The following TNNI3K variants were observed in gnomAD, a reference collection of about 807,000 sequenced individuals.
TNNI3K encodes the protein TNNI3 interacting kinase.
A neutral mutation model predicts 114.5 loss-of-function variants in TNNI3K; 140 were observed. The ratio of observed to expected loss-of-function variants is 1.22; its 90% CI spans 1.07 to 1.41. TNNI3K has a LOEUF of 1.41. Among genes scored for constraint, TNNI3K ranks in the 40% most tolerant of loss-of-function variants. The pLI is 0.00. For missense variants in TNNI3K, 1,125 were observed against 1,007.6 expected, an observed-to-expected ratio of 1.12 and a Z score of -1.58; for synonymous variants, 347 against 347.5, an observed-to-expected ratio of 1.00 and a Z score of 0.02.
intron 21 of TNNI3K, among the ~76,000 whole-genome samples, chr1:74,473,001 A>G (rs1295822879): frequency 1.3e-5 from 2 of 152,154 alleles, no homozygotes; most frequent in Non-Finnish European, 2.9e-5. Flanking sequence ...GGGACAGACC[A>G]TATCTACAGC....
chr1:74,442,985 A>C (rs1286900111), intron 20 of TNNI3K, among the ~76,000 whole-genome samples: 1 of 152,200 alleles, frequency 6.6e-6, no homozygotes, highest in African/African-American at 2.4e-5. Context: ...GAGACAACAT[A>C]CCAGAATCTC....
At chr1:74,273,652 G>A (rs141540467) in intron 5 of TNNI3K, among the ~76,000 whole-genome samples, 45 of 151,938 alleles carry the variant, frequency 3.0e-4, no homozygotes, top group African/African-American at 8.9e-4. Context: ...ATCATAATAT[G>A]GAAGAAGGTA....
chr1:74,248,927 G>C (rs1002055256), intron 2 of TNNI3K, among the ~76,000 whole-genome samples: 9 of 151,972 alleles, frequency 5.9e-5, no homozygotes, highest in African/African-American at 2.2e-4. Context: ...TGTCCCTTTT[G>C]TCAGTTGATT....
intron 4 of TNNI3K, among the ~76,000 whole-genome samples, chr1:74,267,186 C>T (rs1656046836): frequency 6.6e-6 from 1 of 151,920 alleles, no homozygotes; most frequent in African/African-American, 2.4e-5. Flanking sequence ...TGGTAAACTG[C>T]AAGCAATAAA....
intron 22 of TNNI3K, among the ~76,000 whole-genome samples, chr1:74,491,281 G>T (rs375937152): frequency 1.3e-5 from 2 of 152,162 alleles, no homozygotes; most frequent in African/African-American, 4.8e-5. Flanking sequence ...GTGCAGTGGC[G>T]CAATCTCAGC....
chr1:74,408,756 T>C (rs1164283435), intron 17 of TNNI3K, among the ~76,000 whole-genome samples: 1 of 152,196 alleles, frequency 6.6e-6, no homozygotes, highest in Non-Finnish European at 1.5e-5. Flanking sequence ...CTGCTTCAAA[T>C]CCAAATGCAA....
intron 20 of TNNI3K, among the ~76,000 whole-genome samples, chr1:74,460,032 T>G (rs1432526227): frequency 6.6e-6 from 1 of 152,168 alleles, no homozygotes; most frequent in Non-Finnish European, 1.5e-5. Context: ...ACTAGCCACA[T>G]TTTAAGTGCT....
intron 11 of TNNI3K, among the ~76,000 whole-genome samples, chr1:74,359,365 A>T (rs1661832586): frequency 6.6e-6 from 1 of 151,920 alleles, no homozygotes; most frequent in Non-Finnish European, 1.5e-5. Context: ...ATAACTCCCA[A>T]ATTTCATGGT....
intron 23 of TNNI3K, among the ~76,000 whole-genome samples, chr1:74,538,728 C>A (rs780737838): frequency 2.0e-5 from 3 of 151,972 alleles, no homozygotes; most frequent in Non-Finnish European, 4.4e-5. Context: ...GAAGGCAGGG[C>A]AAGTGTTCAG....
intron 24 of TNNI3K, among the ~76,000 whole-genome samples, chr1:74,541,937 A>G (rs1332492236): frequency 6.6e-6 from 1 of 152,252 alleles, no homozygotes; most frequent in African/African-American, 2.4e-5. Context: ...CTTTGCCGCC[A>G]AAGAGCAGAG....
At chr1:74,529,718 G>A (rs1017839919) in intron 23 of TNNI3K, among the ~76,000 whole-genome samples, 2 of 152,276 alleles carry the variant, frequency 1.3e-5, no homozygotes, top group East Asian at 1.9e-4. Context: ...AATAAACACT[G>A]TATAATTGTG....
intron 2 of TNNI3K, among the ~76,000 whole-genome samples, chr1:74,241,788 C>T (rs1190965185): frequency 6.6e-6 from 1 of 151,680 alleles, no homozygotes; most frequent in African/African-American, 2.4e-5. Flanking sequence ...TAATTAGATC[C>T]CATTTGTCAA....
intron 21 of TNNI3K, chr1:74,480,217 T>A (rs1273277680): frequency 1.4e-6 from 1 of 717,526 alleles, no homozygotes; most frequent in South Asian, 1.5e-5. Context: ...TTCTGTCCTT[T>A]AGAACCAGAG....
chr1:74,320,650 C>T (rs1482991074), intron 5 of TNNI3K, among the ~76,000 whole-genome samples: 1 of 152,080 alleles, frequency 6.6e-6, no homozygotes, highest in Non-Finnish European at 1.5e-5. Flanking sequence ...GTTTTATATT[C>T]CAGCTGCTTG....
At chr1:74,458,147 A>G (rs1667304966) in intron 20 of TNNI3K, among the ~76,000 whole-genome samples, 1 of 152,152 alleles carries the variant, frequency 6.6e-6, no homozygotes, top group South Asian at 2.1e-4. Flanking sequence ...CATGTATACT[A>G]TCTCAGTTAG....
chr1:74,516,265 ATTTG>A (rs1271677030), intron 23 of TNNI3K, among the ~76,000 whole-genome samples: 1 of 152,212 alleles, frequency 6.6e-6, no homozygotes, highest in Non-Finnish European at 1.5e-5. Context: ...GTTGCTATCC[ATTTG>A]TTTGTTCACT....
chr1:74,393,954 T>C (rs1240297012), intron 17 of TNNI3K, among the ~76,000 whole-genome samples: 9 of 152,186 alleles, frequency 5.9e-5, no homozygotes, highest in Admixed American at 5.9e-4. Context: ...TGCTTGCCAC[T>C]CATCTCCTGC....
At chr1:74,508,295 T>C (rs1366602630) in intron 23 of TNNI3K, among the ~76,000 whole-genome samples, 1 of 152,206 alleles carries the variant, frequency 6.6e-6, no homozygotes, top group Non-Finnish European at 1.5e-5. Flanking sequence ...GTAATAATAA[T>C]AGCCATCATA....
chr1:74,289,485 T>TAAATTACA, intron 5 of TNNI3K, among the ~76,000 whole-genome samples: 1 of 2,496 alleles, frequency 4.0e-4, no homozygotes, highest in Non-Finnish European at 1.2e-3. Flanking sequence ...CCATAGGTAG[T>TAAATTACA]GTCATTAGTC....
Sources: allele counts gnomAD v4.1 joint callset (sites outside exome capture counted in the v4.1 genomes callset), GRCh38; gene constraint gnomAD v4.1.1; transcripts MANE v1.5; gene names NCBI Gene and HGNC (gene_info 2026-07-23, HGNC 2026-07-21).